ZBTB7C: variants seen among roughly 807,000 people sequenced by gnomAD.
The protein encoded by ZBTB7C is zinc finger and BTB domain-containing protein 7C.
In ZBTB7C, 8 loss-of-function variants were observed where a neutral mutation model predicts 25.7. The observed-to-expected ratio is 0.31, with a 90% CI of 0.18 to 0.56. The LOEUF (loss-of-function observed/expected upper bound fraction) is 0.56, where lower values mean the gene tolerates loss of function less well. ZBTB7C is among the 20% of genes least tolerant of loss of function. The pLI, the probability that ZBTB7C is intolerant of heterozygous loss-of-function variation, is 0.91. For missense variants in ZBTB7C, 824 were observed against 855.2 expected (o/e 0.96, Z 0.46); for synonymous variants, 394 against 369.0 (o/e 1.07, Z -0.78).
At chr18:48,061,147 G>A (rs1245517925) in intron 3 of ZBTB7C, among the ~76,000 whole-genome samples, 2 of 152,194 alleles carry the variant, frequency 1.3e-5, no homozygotes, top group African/African-American at 2.4e-5. Context: ...AGCTTTAGAC[G>A]AATGGACCTT....
intron 2 of ZBTB7C, among the ~76,000 whole-genome samples, chr18:48,262,346 AGG>A (rs2044195542): frequency 6.6e-6 from 1 of 152,144 alleles, no homozygotes; most frequent in African/African-American, 2.4e-5. Context: ...ACCAAGCAAC[AGG>A]GGTATCTTGA....
chr18:48,320,023 A>C (rs532363588), intron 2 of ZBTB7C, among the ~76,000 whole-genome samples: 1 of 152,246 alleles, frequency 6.6e-6, no homozygotes, highest in Admixed American at 6.5e-5. Flanking sequence ...GAGATGAGTA[A>C]GCAAAAGATA....
intron 2 of ZBTB7C, among the ~76,000 whole-genome samples, chr18:48,284,749 C>T (rs1369851964): frequency 7.0e-6 from 1 of 143,036 alleles, no homozygotes; most frequent in African/African-American, 2.6e-5. Flanking sequence ...CAAGATCGTA[C>T]CACAGCACTC....
chr18:48,165,027 T>G, intron 3 of ZBTB7C: 8 of 1,209,568 alleles, frequency 6.6e-6, no homozygotes, highest in Non-Finnish European at 8.4e-6. Flanking sequence ...GCCAAAACAA[T>G]TCTATACATC....
At chr18:48,077,065 A>G in intron 3 of ZBTB7C, 4 of 310,804 alleles carry the variant, frequency 1.3e-5, no homozygotes, top group Non-Finnish European at 1.5e-5. Flanking sequence ...TTATATGCAA[A>G]AAAAAAAAAA....
intron 3 of ZBTB7C, among the ~76,000 whole-genome samples, chr18:48,115,963 T>A (rs924477969): frequency 6.6e-6 from 1 of 152,074 alleles, no homozygotes; most frequent in African/African-American, 2.4e-5. Flanking sequence ...TTTAGCACTT[T>A]TGGTTCTATT....
At chr18:48,318,961 A>T (rs909802569) in intron 2 of ZBTB7C, among the ~76,000 whole-genome samples, 1 of 152,200 alleles carries the variant, frequency 6.6e-6, no homozygotes, top group African/African-American at 2.4e-5. Flanking sequence ...TGTAAACACA[A>T]GGCCCAGCTG....
intron 2 of ZBTB7C, among the ~76,000 whole-genome samples, chr18:48,236,400 C>T (rs1181785864): frequency 1.3e-5 from 2 of 152,184 alleles, no homozygotes; most frequent in Non-Finnish European, 2.9e-5. Flanking sequence ...TTTGATAAGT[C>T]TCTGTTGAAC....
At chr18:48,201,703 T>C (rs1218168484) in intron 2 of ZBTB7C, among the ~76,000 whole-genome samples, 2 of 152,140 alleles carry the variant, frequency 1.3e-5, no homozygotes, top group African/African-American at 2.4e-5. Flanking sequence ...ATTTCAGACA[T>C]ACAAAAAGGC....
intron 2 of ZBTB7C, among the ~76,000 whole-genome samples, chr18:48,241,937 T>G (rs527730106): frequency 1.3e-5 from 2 of 150,730 alleles, no homozygotes; most frequent in Non-Finnish European, 3.0e-5. Context: ...TAAACAAAAT[T>G]GAAAGACCAT....
At chr18:48,304,755 C>T (rs1361114301) in intron 2 of ZBTB7C, among the ~76,000 whole-genome samples, 1 of 147,626 alleles carries the variant, frequency 6.8e-6, no homozygotes, top group Non-Finnish European at 1.5e-5. Context: ...GAAGGAGAAT[C>T]GCTTGAACTT....
At chr18:48,063,945 C>A (rs1453625207) in intron 3 of ZBTB7C, among the ~76,000 whole-genome samples, 1 of 151,962 alleles carries the variant, frequency 6.6e-6, no homozygotes, top group Non-Finnish European at 1.5e-5. Flanking sequence ...AGGACAGTGA[C>A]AATAGTGATA....
chr18:48,370,262 T>C (rs926094086), intron 1 of ZBTB7C, among the ~76,000 whole-genome samples: 4 of 152,152 alleles, frequency 2.6e-5, no homozygotes, highest in Non-Finnish European at 5.9e-5. Flanking sequence ...TATTGATACA[T>C]GCATCAACCC....
chr18:48,368,371 T>C (rs2047303014), intron 1 of ZBTB7C, among the ~76,000 whole-genome samples: 1 of 151,294 alleles, frequency 6.6e-6, no homozygotes, highest in Non-Finnish European at 1.5e-5. Context: ...AAAGAATCAG[T>C]AACTGATAGA....
chr18:48,054,666 G>A (rs2036843172), intron 3 of ZBTB7C, among the ~76,000 whole-genome samples: 1 of 152,140 alleles, frequency 6.6e-6, no homozygotes, highest in South Asian at 2.1e-4. Context: ...TCCACCACGA[G>A]AACCGCCTGG....
intron 3 of ZBTB7C, among the ~76,000 whole-genome samples, chr18:48,074,277 G>T (rs950982674): frequency 6.6e-6 from 1 of 152,138 alleles, no homozygotes; most frequent in South Asian, 2.1e-4. Flanking sequence ...GCCTCCCAAA[G>T]TGCTGGGATT....
intron 2 of ZBTB7C, among the ~76,000 whole-genome samples, chr18:48,241,716 G>C (rs1013894366): frequency 6.6e-6 from 1 of 152,108 alleles, no homozygotes; most frequent in Non-Finnish European, 1.5e-5. Context: ...AGTGCTAAGA[G>C]GAAAGTTCAT....
intron 3 of ZBTB7C, among the ~76,000 whole-genome samples, chr18:48,095,119 A>G (rs28394535): frequency 0.025 from 3,790 of 152,244 alleles, 146 homozygotes; most frequent in African/African-American, 0.083. Context: ...TTGGCAATAT[A>G]ACAGGTGATC....
At chr18:48,386,929 T>C (rs1239277837) in intron 1 of ZBTB7C, among the ~76,000 whole-genome samples, 2 of 152,250 alleles carry the variant, frequency 1.3e-5, no homozygotes, top group Non-Finnish European at 2.9e-5. Context: ...AGCATGCAGC[T>C]ACTCTGTTGT....
Sources: allele counts gnomAD v4.1 joint callset (sites outside exome capture counted in the v4.1 genomes callset), GRCh38; gene constraint gnomAD v4.1.1; transcripts MANE v1.5; gene names NCBI Gene and HGNC (gene_info 2026-07-23, HGNC 2026-07-21).